The following CSMD1 variants were observed in gnomAD, a reference collection of about 807,000 sequenced individuals.
CSMD1 encodes CUB and sushi domain-containing protein 1.
In CSMD1, 213 loss-of-function variants were observed where a neutral mutation model predicts 417.5. The observed-to-expected ratio is 0.51, with a 90% CI of 0.46 to 0.57. The LOEUF is 0.57. CSMD1 is among the 20% of genes least tolerant of loss of function. The probability of loss-of-function intolerance (pLI) is 0.00; values close to 1 mark genes in which losing one functional copy is unlikely to be tolerated. For missense variants in CSMD1, 6,923 were observed against 4,529.7 expected (o/e 1.53, Z -15.17); for synonymous variants, 2,862 against 1,736.8 (o/e 1.65, Z -16.11).
chr8:4,736,834 G>A (rs1424017750), intron 1 of CSMD1, among the ~76,000 whole-genome samples: 2 of 152,102 alleles, frequency 1.3e-5, no homozygotes, highest in African/African-American at 2.4e-5. Context: ...TCTGATTTGT[G>A]GGGTAAGAAA....
At chr8:3,484,937 G>C (rs1055470503) in intron 11 of CSMD1, among the ~76,000 whole-genome samples, 2 of 152,064 alleles carry the variant, frequency 1.3e-5, no homozygotes, top group African/African-American at 4.8e-5. Context: ...GGGACGGCGT[G>C]AGCATGAGGA....
intron 11 of CSMD1, among the ~76,000 whole-genome samples, chr8:3,473,750 G>A (rs1194645322): frequency 6.6e-6 from 1 of 152,132 alleles, no homozygotes; most frequent in East Asian, 1.9e-4. Context: ...GTGTCTGTAT[G>A]GGTGTATCAG....
chr8:4,797,378 G>C (rs919220952), intron 1 of CSMD1, among the ~76,000 whole-genome samples: 1 of 152,138 alleles, frequency 6.6e-6, no homozygotes, highest in Admixed American at 6.5e-5. Flanking sequence ...AGAGTGTTCC[G>C]CCTGAATCTA....
At chr8:3,348,822 G>C (rs1808190962) in intron 21 of CSMD1, among the ~76,000 whole-genome samples, 1 of 152,170 alleles carries the variant, frequency 6.6e-6, no homozygotes, top group Admixed American at 6.5e-5. Flanking sequence ...CAAGGTAAAA[G>C]TGAAAATACA....
At position 3,187,876 on chromosome 8, in the gene CSMD1, G is replaced by C. The variant is rs186294991; in HGVS notation, c.5613C>G (p.Ser1871Arg). ...GGDVTAPRLG[S>R]FSGTTVPALL... ...AAATTGACTCCATCTTACCTGAGAA[G>C]CTTCCCAGTCTGGGTGCGGTCACAT... is the stretch of plus-strand genomic sequence containing the variant. Residue 1871 changes from serine to arginine, a missense_variant, in exon 36 of 70, where the codon AGC (serine) becomes AGG (arginine). Transcript: ENST00000635120. 3 of 1,612,370 alleles carry C rather than the reference G, an allele frequency of 1.9e-6. No individual in the cohort carries two copies. In the African/African-American group the frequency reaches 4.0e-5, roughly 22 times the overall value.
intron 5 of CSMD1, among the ~76,000 whole-genome samples, chr8:3,952,337 T>A (rs112531799): frequency 6.6e-6 from 1 of 152,224 alleles, no homozygotes; most frequent in African/African-American, 2.4e-5. Flanking sequence ...GCCAATAGAA[T>A]AATTCAACCA....
At chr8:3,720,542 G>C (rs769672226) in intron 6 of CSMD1, among the ~76,000 whole-genome samples, 1 of 151,534 alleles carries the variant, frequency 6.6e-6, no homozygotes, top group Non-Finnish European at 1.5e-5. Context: ...TCAACACTGG[G>C]GGCTAACCTT....
intron 10 of CSMD1, among the ~76,000 whole-genome samples, chr8:3,534,837 G>C (rs945844780): frequency 6.6e-6 from 1 of 152,156 alleles, no homozygotes; most frequent in Non-Finnish European, 1.5e-5. Flanking sequence ...TTTGGGAAAC[G>C]TTGCTCTTTT....
chr8:3,313,797 G>A (rs570730145), intron 23 of CSMD1, among the ~76,000 whole-genome samples: 34 of 152,270 alleles, frequency 2.2e-4, no homozygotes, highest in African/African-American at 7.5e-4. Flanking sequence ...TATAAATCAT[G>A]CTTCTATAAG....
chr8:3,556,143 T>C (rs923146001), intron 10 of CSMD1, among the ~76,000 whole-genome samples: 1 of 151,992 alleles, frequency 6.6e-6, no homozygotes, highest in Non-Finnish European at 1.5e-5. Flanking sequence ...AGAGGAACTA[T>C]TCAGAATCAT....
chr8:4,411,071 G>A (rs941453040), intron 3 of CSMD1, among the ~76,000 whole-genome samples: 4 of 152,044 alleles, frequency 2.6e-5, no homozygotes, highest in Non-Finnish European at 5.9e-5. Context: ...ACCCGTTTAT[G>A]AGGAAACCCA....
chr8:3,438,972 G>A (rs527331864), intron 12 of CSMD1, among the ~76,000 whole-genome samples: 21 of 150,322 alleles, frequency 1.4e-4, no homozygotes, highest in Admixed American at 8.6e-4. Flanking sequence ...AAAATTAGCC[G>A]GGCATGGTAG....
intron 2 of CSMD1, among the ~76,000 whole-genome samples, chr8:4,617,915 A>G (rs114103136): frequency 4.8e-4 from 73 of 152,260 alleles, no homozygotes; most frequent in African/African-American, 1.7e-3. Context: ...CCCAGTTCCT[A>G]TGCAATAACA....
At chr8:4,747,256 A>G (rs1721465921) in intron 1 of CSMD1, among the ~76,000 whole-genome samples, 1 of 152,172 alleles carries the variant, frequency 6.6e-6, no homozygotes, top group Non-Finnish European at 1.5e-5. Flanking sequence ...TGCCTTTTTC[A>G]TAAGTAGTAT....
chr8:3,325,877 C>T (rs917695026), intron 23 of CSMD1, among the ~76,000 whole-genome samples: 1 of 152,078 alleles, frequency 6.6e-6, no homozygotes, highest in Non-Finnish European at 1.5e-5. Context: ...AAGTAAATAA[C>T]AATGTGAATC....
At chr8:4,142,779 G>T (rs1460278617) in intron 3 of CSMD1, among the ~76,000 whole-genome samples, 3 of 150,936 alleles carry the variant, frequency 2.0e-5, no homozygotes, top group African/African-American at 7.4e-5. Context: ...GTGCAAAACA[G>T]GCTTCAACAA....
intron 1 of CSMD1, among the ~76,000 whole-genome samples, chr8:4,881,665 A>G (rs1446429260): frequency 6.6e-6 from 1 of 152,046 alleles, no homozygotes; most frequent in Non-Finnish European, 1.5e-5. Flanking sequence ...AAATACATAA[A>G]GAGTCTTTAA....
chr8:4,607,282 T>C (rs1356949456), intron 2 of CSMD1, among the ~76,000 whole-genome samples: 1 of 137,748 alleles, frequency 7.3e-6, no homozygotes, highest in East Asian at 2.2e-4. Context: ...ATGGAAAAAA[T>C]AAATAACAAA....
intron 3 of CSMD1, among the ~76,000 whole-genome samples, chr8:4,252,858 A>C (rs2128832504): frequency 6.6e-6 from 1 of 152,324 alleles, no homozygotes; most frequent in African/African-American, 2.4e-5. Flanking sequence ...CCTTCTTGGG[A>C]CCATGAGTGA....
Sources: allele counts gnomAD v4.1 joint callset (sites outside exome capture counted in the v4.1 genomes callset), GRCh38; gene constraint gnomAD v4.1.1; transcripts MANE v1.5; gene names NCBI Gene and HGNC (gene_info 2026-07-23, HGNC 2026-07-21).